CPLX2: variants seen among roughly 807,000 people sequenced by gnomAD.
CPLX2 encodes complexin 2, also known as complexin-2.
In CPLX2, 5 loss-of-function variants were observed where a neutral mutation model predicts 16.3. The observed-to-expected ratio is 0.31, with a 90% CI of 0.16 to 0.64. The LOEUF is 0.64. Among genes scored for constraint, CPLX2 ranks in the 30% least tolerant of loss-of-function variants. The pLI is 0.79. For synonymous variants in CPLX2, 89 were observed against 73.2 expected (o/e 1.22, Z -1.10); for missense variants, 144 against 181.4 (o/e 0.79, Z 1.18).
chr5:175,844,505 A>G (rs1444630006), intron 2 of CPLX2, among the ~76,000 whole-genome samples: 1 of 152,226 alleles, frequency 6.6e-6, no homozygotes, highest in Non-Finnish European at 1.5e-5. Flanking sequence ...GATGGAAAAA[A>G]TAAAACAGAG....
chr5:175,829,339 G>A (rs1758685361), intron 2 of CPLX2, among the ~76,000 whole-genome samples: 2 of 152,218 alleles, frequency 1.3e-5, no homozygotes, highest in South Asian at 4.1e-4. Flanking sequence ...AGGCCCACCT[G>A]CTCAGCCATG....
At chr5:175,851,282 G>C (rs17065577) in intron 2 of CPLX2, among the ~76,000 whole-genome samples, 8,281 of 152,200 alleles carry the variant, frequency 0.054, 777 homozygotes, top group African/African-American at 0.19. Context: ...GTAAACAGCT[G>C]TCAGGTCCAG....
chr5:175,861,322 T>C (rs965740023), intron 2 of CPLX2, among the ~76,000 whole-genome samples: 2 of 151,836 alleles, frequency 1.3e-5, no homozygotes, highest in Non-Finnish European at 2.9e-5. Flanking sequence ...CAACCAAACA[T>C]AGGGTAAAAA....
chr5:175,879,046 C>CG lies in CPLX2; in HGVS notation c.172dup (p.Glu58GlyfsTer12). 6.3e-7 allele frequency: 1 copy of CG among 1,586,572 alleles called. No homozygotes were observed. On this transcript the variant is annotated frameshift_variant, in exon 3 of 4. Transcript: ENST00000393745. LOFTEE classifies it high-confidence loss of function. ...AAGGCCAAGCACGCGCGCATGGAGG[C>CG]GGAGCGGGAGAAGGTCCGGCAGCAG...
intron 2 of CPLX2, among the ~76,000 whole-genome samples, chr5:175,863,902 C>T (rs1009201828): frequency 4.6e-5 from 7 of 152,278 alleles, no homozygotes; most frequent in African/African-American, 1.4e-4. Flanking sequence ...GAAGAAGAAC[C>T]ATCTCCCCCA....
At chr5:175,811,996 A>G (rs13184375) in intron 2 of CPLX2, among the ~76,000 whole-genome samples, 24,353 of 152,276 alleles carry the variant, frequency 0.16, 2,316 homozygotes, top group Middle Eastern at 0.3. Flanking sequence ...CTCAGCAATG[A>G]GGAGAGAAGA....
chr5:175,877,408 A>C (rs528776824), intron 1 of CPLX2, among the ~76,000 whole-genome samples: 1 of 152,084 alleles, frequency 6.6e-6, no homozygotes, highest in Non-Finnish European at 1.5e-5. Flanking sequence ...GTGACCCTGA[A>C]CTCAGCCAGG....
chr5:175,840,745 G>C lies in CPLX2; in HGVS notation c.-89+31677G>C, dbSNP rs78012838. ...TGTATTAGGCTGGTGCCAGGGAAAA[G>C]GGCAGGCATGGAGAGGAAGCAAGAA... On this transcript the variant is annotated intron_variant, in intron 2 of 4. Transcript: ENST00000359546. Among the ~76,000 whole-genome samples the C allele has an allele frequency of 3.8e-3, 572 of 152,356 alleles. 6 individuals are homozygous for C. The highest frequency in any genetic ancestry group is 0.013 in the African/African-American group (541 of 41,588).
intron 2 of CPLX2, among the ~76,000 whole-genome samples, chr5:175,839,978 C>T (rs1758917483): frequency 6.6e-6 from 1 of 152,202 alleles, no homozygotes; most frequent in South Asian, 2.1e-4. Context: ...GGAAGGTTAT[C>T]ACCCTGTACA....
intron 2 of CPLX2, among the ~76,000 whole-genome samples, chr5:175,854,890 C>T (rs1394327437): frequency 6.6e-6 from 1 of 152,178 alleles, no homozygotes. Flanking sequence ...CGCCATGGGC[C>T]AGGCGCTGTG....
chr5:175,865,062 A>G (rs900651835), intron 2 of CPLX2, among the ~76,000 whole-genome samples: 4 of 143,556 alleles, frequency 2.8e-5, no homozygotes, highest in Non-Finnish European at 6.0e-5. Flanking sequence ...CCCCAACCAC[A>G]TACTCACATG....
intron 1 of CPLX2, among the ~76,000 whole-genome samples, chr5:175,806,735 G>A (rs935773295): frequency 6.6e-6 from 1 of 151,718 alleles, no homozygotes; most frequent in African/African-American, 2.4e-5. Flanking sequence ...CCTACCTCAG[G>A]CGATCCATCA....
Position 175,849,852 on chromosome 5 carries a change from G to A in CPLX2, c.-88-28800G>A, listed in dbSNP as rs1271751607. Among the ~76,000 whole-genome samples the A allele has an allele frequency of 6.6e-6, 1 of 152,230 alleles. No individual in the cohort carries two copies. Among genetic ancestry groups the A allele is most frequent in the Non-Finnish European group, 1.5e-5 (1 of 68,038 alleles). ...ATGGCATGTGGCCTCTCACCAGGTG[G>A]GCTCTCAGCAAACATGAGTCCCTTC... On this transcript the variant is annotated intron_variant, in intron 2 of 4. Coordinates refer to the CPLX2 transcript ENST00000359546. The surrounding 1 kb of genome is among the most constrained non-coding windows in gnomAD (Gnocchi z 4.4).
At chr5:175,808,828 C>G (rs898620703) in intron 1 of CPLX2, among the ~76,000 whole-genome samples, 1 of 152,162 alleles carries the variant, frequency 6.6e-6, no homozygotes, top group Non-Finnish European at 1.5e-5. Flanking sequence ...AGGCAGGGTC[C>G]CATCCCGCCC....
chr5:175,856,272 G>A (rs1254818272), intron 2 of CPLX2, among the ~76,000 whole-genome samples: 5 of 152,162 alleles, frequency 3.3e-5, no homozygotes, highest in Non-Finnish European at 5.9e-5. Flanking sequence ...ACCCATTTTC[G>A]TTAAGCACCC....
At chr5:175,804,595 T>C (rs1033512059) in intron 1 of CPLX2, among the ~76,000 whole-genome samples, 1 of 152,218 alleles carries the variant, frequency 6.6e-6, no homozygotes, top group South Asian at 2.1e-4. Context: ...GGCTACTCAA[T>C]GTGTGGTCCA....
intron 2 of CPLX2, among the ~76,000 whole-genome samples, chr5:175,828,213 A>G (rs1758655683): frequency 6.6e-6 from 1 of 152,108 alleles, no homozygotes; most frequent in African/African-American, 2.4e-5. Context: ...GAGTTTCACG[A>G]TTTATTCTCT....
At chr5:175,864,241 G>A (rs767897066) in intron 2 of CPLX2, among the ~76,000 whole-genome samples, 1 of 152,246 alleles carries the variant, frequency 6.6e-6, no homozygotes, top group Non-Finnish European at 1.5e-5. Context: ...AAGGGGCAGA[G>A]AATTAGTGAG....
intron 2 of CPLX2, among the ~76,000 whole-genome samples, chr5:175,816,136 A>G (rs1758402105): frequency 6.6e-6 from 1 of 152,024 alleles, no homozygotes. Flanking sequence ...GCCACTATGC[A>G]GCAGCGGAAG....
Sources: gnomAD v4.1 joint callset for allele counts (sites outside exome capture counted in the v4.1 genomes callset) on GRCh38, gnomAD v4.1.1 for gene constraint, Gnocchi (gnomAD v3.1) non-coding constraint, MANE v1.5 for transcripts, NCBI Gene and HGNC (gene_info 2026-07-23, HGNC 2026-07-21) for gene names.